The following STIL variants were observed in gnomAD, a reference collection of about 807,000 sequenced individuals.
STIL encodes the protein STIL centriolar assembly protein.
STIL carries 55 observed loss-of-function variants against 110.1 expected under a neutral mutation model. That is an observed-to-expected ratio of 0.50 (90% CI 0.40 to 0.63). The LOEUF (loss-of-function observed/expected upper bound fraction) is 0.63. STIL is among the 20% of genes least tolerant of loss of function. The probability of loss-of-function intolerance (pLI) is 0.00; values close to 1 mark genes in which losing one functional copy is unlikely to be tolerated. For missense variants in STIL, 1,358 were observed against 1,530.0 expected, an observed-to-expected ratio of 0.89 and a Z score of 1.87; for synonymous variants, 481 against 530.0, an observed-to-expected ratio of 0.91 and a Z score of 1.27.
chr1:47,298,351 G>A (rs1294048005), intron 6 of STIL, among the ~76,000 whole-genome samples: 1 of 152,126 alleles, frequency 6.6e-6, no homozygotes, highest in Non-Finnish European at 1.5e-5. Flanking sequence ...TGAAGATTCA[G>A]GGAAGCAGCC....
chr1:47,263,061 C>T lies in STIL; in HGVS notation c.2671G>A (p.Gly891Ser), dbSNP rs1443541889. 14 of 1,614,070 alleles carry T rather than the reference C, an allele frequency of 8.7e-6. No homozygotes were observed. The highest frequency in any genetic ancestry group is 1.2e-5 in the Non-Finnish European group (14 of 1,180,044). Residue 891 changes from glycine (G) to serine (S), a missense_variant, in exon 15 of 17, where the codon GGC becomes AGC. Gly to Ser is a moderately conservative substitution (Grantham distance 56). Transcript: ENST00000371877. ...ATGCTTACACTTTCTGCCAGCTGGC[C>T]ACTTGGAAAGAACACAGGTACATCA... ...EPDVPVFFPS[G>S]QLAESVSMCL...
chr1:47,279,199 C>T (rs150999576), intron 12 of STIL, among the ~76,000 whole-genome samples: 2,289 of 149,782 alleles, frequency 0.015, 45 homozygotes, highest in South Asian at 0.092. Flanking sequence ...AGGAGAATGG[C>T]GTGAACCCGG....
intron 9 of STIL, among the ~76,000 whole-genome samples, chr1:47,288,507 G>C (rs1393249520): frequency 1.3e-5 from 2 of 151,898 alleles, no homozygotes; most frequent in African/African-American, 4.8e-5. Flanking sequence ...ATGTTGGCCA[G>C]GCTGGTCTCA....
chr1:47,301,822 T>C (rs1253421809), intron 4 of STIL, 74 bp from the exon 5 acceptor site: 1 of 1,394,856 alleles, frequency 7.2e-7, no homozygotes, highest in African/African-American at 1.4e-5. Context: ...AAGACTACAT[T>C]ATAGCAAAGC....
intron 4 of STIL, 38 bp downstream of exon 4, chr1:47,302,196 C>G: frequency 6.8e-7 from 1 of 1,469,736 alleles, no homozygotes; most frequent in Non-Finnish European, 9.5e-7. Context: ...GCTGGGATTA[C>G]AGGCGTGAGC....
Position 47,281,418 on chromosome 1 carries a change from T to C in STIL, c.1249-209A>G, listed in dbSNP as rs12145974. 0.26 allele frequency among the ~76,000 whole-genome samples: 39,341 copies of C among 152,042 alleles called. 5,417 individuals are homozygous for C. Among genetic ancestry groups the C allele is most frequent in the Non-Finnish European group, 0.31 (21,335 of 67,968 alleles). On this transcript the variant is annotated intron_variant, in intron 11 of 16. Transcript: ENST00000371877. The stretch of plus-strand genomic sequence containing the variant: ...TTGTAAGCTAAATAAACAAGGTCCT[T>C]GCCCTAAAAGAATAAAACTAAACAC...
intron 11 of STIL, among the ~76,000 whole-genome samples, chr1:47,281,546 C>T (rs1344259968): frequency 6.6e-5 from 10 of 151,766 alleles, no homozygotes; most frequent in Admixed American, 6.6e-4. Context: ...CTTTTTAAAT[C>T]CTCTCTGCAA....
intron 8 of STIL, 45 bp downstream of exon 8, chr1:47,293,413 G>A (rs781220372): frequency 1.3e-6 from 2 of 1,492,014 alleles, no homozygotes; most frequent in East Asian, 2.3e-5. Context: ...CTATGAATGG[G>A]GGAAAGGATC....
chr1:47,312,314 C>A (rs867499514), intron 1 of STIL, among the ~76,000 whole-genome samples: 13 of 152,194 alleles, frequency 8.5e-5, no homozygotes, highest in Admixed American at 3.9e-4. Context: ...CACGATGAAA[C>A]CCCGTCTCTA....
rs1305828212 is a variant in STIL, at chr1:47,302,313, G to A, written c.186C>T (p.Ile62=). 2.5e-6 allele frequency: 4 copies of A among 1,614,070 alleles called. No homozygotes were observed. In the East Asian group the frequency reaches 6.7e-5, roughly 27 times the overall value. ...NPKLVVTEKT[I]RLAYRHAKQN... ...GCTTAGCATGACGATAAGCAAGTCG[G>A]ATGGTCTTCTCAGTCACCACAAGCT... Residue 62 remains isoleucine (I), a synonymous_variant, in exon 4 of 17, where the codon ATC becomes ATT. Coordinates refer to ENST00000371877, the MANE Select transcript of STIL (RefSeq NM_001048166.1).
At chr1:47,253,834 A>G (rs569876751) in intron 16 of STIL, among the ~76,000 whole-genome samples, 2 of 152,254 alleles carry the variant, frequency 1.3e-5, no homozygotes, top group Admixed American at 6.5e-5. Context: ...ATATATTTTC[A>G]TTCTTATAAG....
intron 12 of STIL, among the ~76,000 whole-genome samples, chr1:47,275,664 G>A (rs12118205): frequency 0.25 from 38,265 of 151,402 alleles, 5,128 homozygotes; most frequent in Non-Finnish European, 0.31. Flanking sequence ...TTACTCTGTC[G>A]CCTAGGCCAG....
At chr1:47,275,147 T>TCAA (rs35911281) in intron 12 of STIL, among the ~76,000 whole-genome samples, 122,697 of 149,130 alleles carry the variant, frequency 0.82, 51,063 homozygotes, top group Middle Eastern at 0.88. Flanking sequence ...CTCTGTCTCA[T>TCAA]CAACAACAAC....
intron 14 of STIL, among the ~76,000 whole-genome samples, chr1:47,264,628 T>C (rs1480743841): frequency 6.6e-6 from 1 of 152,124 alleles, no homozygotes; most frequent in South Asian, 2.1e-4. Context: ...TCAGAAACAC[T>C]GGTCCAACAA....
At position 47,250,441 on chromosome 1, in the gene STIL, G is replaced by A. The variant is rs773515130; in HGVS notation, c.*695C>T. The A allele has an allele frequency of 7.1e-5, 12 of 168,966 alleles. No homozygotes were observed. Among genetic ancestry groups the A allele is most frequent in the Non-Finnish European group, 6.4e-5 (5 of 77,628 alleles). The allele number at this position is 168,966 out of a possible 1,614,324, so 10.5% of individuals were successfully genotyped here. ...CTTAAACTTAGGAAGGGTTGATTTCGCTAATTTACCCAACACCATGATAAC... is the reference window on the plus strand; with the variant it reads ...CTTAAACTTAGGAAGGGTTGATTTCACTAATTTACCCAACACCATGATAAC... On this transcript the variant is annotated 3_prime_UTR_variant, in exon 17 of 17. Coordinates refer to ENST00000371877, the MANE Select transcript of STIL (RefSeq NM_001048166.1).
At chr1:47,270,253 T>TAC (rs1378109646) in intron 13 of STIL, among the ~76,000 whole-genome samples, 4,620 of 118,014 alleles carry the variant, frequency 0.039, 153 homozygotes, top group East Asian at 0.18. Flanking sequence ...TATATATATA[T>TAC]ATACACACAC....
At chr1:47,275,338 G>A (rs955710937) in intron 12 of STIL, among the ~76,000 whole-genome samples, 1 of 151,784 alleles carries the variant, frequency 6.6e-6, no homozygotes, top group East Asian at 1.9e-4. Context: ...GCTGGGCGCG[G>A]TGGCTCACTC....
chr1:47,268,736 C>A (rs968165497), intron 14 of STIL, among the ~76,000 whole-genome samples: 1 of 149,842 alleles, frequency 6.7e-6, no homozygotes, highest in South Asian at 2.1e-4. Flanking sequence ...CTAGACTGAG[C>A]AACAAGAGAG....
At position 47,251,417 on chromosome 1, in the gene STIL, A is replaced by C; in HGVS notation, c.3586T>G (p.Leu1196Val). ...AAAACTTCATTTGTAATATTTCTCA[A>C]TACTGGCGTATCTGCGTTGGTCCCC... ...SVGTNADTPV[L>V]RNITNEVLQT... The change falls in exon 17 of 17, where the codon TTG becomes GTG. Residue 1196 changes from leucine to valine, a missense_variant. Coordinates refer to ENST00000371877, the MANE Select transcript of STIL (RefSeq NM_001048166.1). 1 of 1,614,180 alleles carries C rather than the reference A, an allele frequency of 6.2e-7. No homozygotes were observed. Among genetic ancestry groups the C allele is most frequent in the Non-Finnish European group, 8.5e-7 (1 of 1,180,030 alleles).
Sources: gnomAD v4.1 joint callset for allele counts (sites outside exome capture counted in the v4.1 genomes callset) on GRCh38, gnomAD v4.1.1 for gene constraint, MANE v1.5 for transcripts, NCBI Gene and HGNC (gene_info 2026-07-23, HGNC 2026-07-21) for gene names.